PLAA: variants seen among roughly 807,000 people sequenced by gnomAD.
PLAA encodes the protein phospholipase A-2-activating protein.
PLAA carries 48 observed loss-of-function variants against 84.1 expected under a neutral mutation model. The observed-to-expected ratio is 0.57, with a 90% CI of 0.45 to 0.73. PLAA has a LOEUF of 0.73. Ranked by LOEUF, PLAA falls within the 30% of genes least tolerant of loss-of-function variation. The pLI is 0.00. For synonymous variants in PLAA, 392 were observed against 336.6 expected (o/e 1.16, Z -1.80); for missense variants, 903 against 954.7 (o/e 0.95, Z 0.71).
At chr9:26,908,207 G>C (rs1181943362) in intron 12 of PLAA, among the ~76,000 whole-genome samples, 1 of 143,310 alleles carries the variant, frequency 7.0e-6, no homozygotes, top group African/African-American at 2.6e-5. Context: ...CTGCTCAGTC[G>C]CCCAGGCTGG....
At chr9:26,930,448 C>G (rs1476661726) in intron 2 of PLAA, among the ~76,000 whole-genome samples, 3 of 152,140 alleles carry the variant, frequency 2.0e-5, no homozygotes, top group African/African-American at 7.2e-5. Flanking sequence ...GCTCCAACAA[C>G]TACTGAAGCA....
At chr9:26,927,470 G>C (rs1027353010) in intron 4 of PLAA, among the ~76,000 whole-genome samples, 2 of 151,778 alleles carry the variant, frequency 1.3e-5, no homozygotes, top group African/African-American at 4.8e-5. Flanking sequence ...TATTATCTAG[G>C]GTAGTTACCA....
chr9:26,947,138 A>G lies in PLAA; in HGVS notation c.-93T>C. 1 of 1,368,746 alleles carries G rather than the reference A, an allele frequency of 7.3e-7. No individual in the cohort carries two copies. The highest frequency in any genetic ancestry group is 9.5e-7 in the Non-Finnish European group (1 of 1,051,404). 84.8% of individuals were successfully genotyped at this position (1,368,746 alleles called of 1,614,324 possible). On this transcript the variant is annotated 5_prime_UTR_variant, in exon 1 of 14. Transcript: ENST00000397292. ...GAGCGCCGGGCCGCGGCGGGAGAAG[A>G]GCCTGCAGGTAAGGGGCGGCCGGAG...
chr9:26,924,471 T>C (rs571858594), intron 6 of PLAA, among the ~76,000 whole-genome samples: 3 of 152,166 alleles, frequency 2.0e-5, no homozygotes, highest in African/African-American at 4.8e-5. Flanking sequence ...CATTATAGAG[T>C]AGTCTATGAT....
chr9:26,910,909 G>C (rs1296821592), intron 11 of PLAA, among the ~76,000 whole-genome samples: 1 of 151,992 alleles, frequency 6.6e-6, no homozygotes, highest in Admixed American at 6.6e-5. Flanking sequence ...CTTCTCTAAG[G>C]CATGCTGATC....
intron 10 of PLAA, among the ~76,000 whole-genome samples, chr9:26,914,654 T>C (rs1256803234): frequency 5.9e-5 from 9 of 152,158 alleles, no homozygotes; most frequent in Non-Finnish European, 1.3e-4. Context: ...TTTAACCATA[T>C]GCCAGTTAAT....
intron 13 of PLAA, 135 bp downstream of exon 13, chr9:26,907,699 T>C (rs1207058909): frequency 1.4e-6 from 1 of 700,542 alleles, no homozygotes; most frequent in East Asian, 2.9e-5. Flanking sequence ...TGAACCCTTT[T>C]CGTGAAGATT....
rs1207331148 is a variant in PLAA, at chr9:26,928,315, G to A, written c.437C>T (p.Thr146Ile). The change falls in exon 3 of 14, where the codon ACC (threonine) becomes ATC (isoleucine). Residue 146 changes from threonine to isoleucine, a missense_variant. Coordinates refer to ENST00000397292, the MANE Select transcript of PLAA (RefSeq NM_001031689.3). Reference protein sequence around the residue: ...KVWLNDKCMMTLQGHTAAVWA... With the variant: ...KVWLNDKCMMILQGHTAAVWA... ...TACACAGAACTACTGTACCTGCAAG[G>A]TCATCATGCACTTGTCATTCAGCCA... 1 of 1,613,502 alleles carries A rather than the reference G, an allele frequency of 6.2e-7. No homozygotes were observed. The highest frequency in any genetic ancestry group is 1.1e-5 in the South Asian group (1 of 91,068).
intron 2 of PLAA, 79 bp downstream of exon 2, chr9:26,934,934 G>A: frequency 9.3e-7 from 1 of 1,077,140 alleles, no homozygotes; most frequent in African/African-American, 1.6e-5. Flanking sequence ...ATAAAAACTT[G>A]AGAAAATGGA....
chr9:26,913,558 C>T (rs1416429069), intron 11 of PLAA, among the ~76,000 whole-genome samples: 1 of 152,036 alleles, frequency 6.6e-6, no homozygotes. Flanking sequence ...CAGTAGTTTC[C>T]GATCCTAGAT....
chr9:26,907,356 C>T (rs1306912107), intron 13 of PLAA, among the ~76,000 whole-genome samples: 4 of 150,716 alleles, frequency 2.7e-5, no homozygotes, highest in Non-Finnish European at 1.5e-5. Context: ...GGTGAAACCC[C>T]GTCTCTACTA....
At chr9:26,936,939 G>C (rs1320141962) in intron 1 of PLAA, among the ~76,000 whole-genome samples, 1 of 152,058 alleles carries the variant, frequency 6.6e-6, no homozygotes, top group Non-Finnish European at 1.5e-5. Context: ...TCAGGAGTTG[G>C]AGACCAGCCT....
At chr9:26,908,465 CTTA>C (rs371180402) in intron 12 of PLAA, among the ~76,000 whole-genome samples, 1 of 146,620 alleles carries the variant, frequency 6.8e-6, no homozygotes, top group African/African-American at 2.5e-5. Context: ...CACGCCTGGC[CTTA>C]TTATTATTAT....
chr9:26,935,700 A>T (rs1825335870), intron 1 of PLAA, among the ~76,000 whole-genome samples: 1 of 152,130 alleles, frequency 6.6e-6, no homozygotes, highest in South Asian at 2.1e-4. Context: ...CAGGGGTGTC[A>T]AATCTTTTGC....
chr9:26,933,526 C>T (rs573797554), intron 2 of PLAA, among the ~76,000 whole-genome samples: 8 of 151,764 alleles, frequency 5.3e-5, no homozygotes, highest in South Asian at 2.1e-4. Context: ...CAGTGGCTCA[C>T]GCCTGTAATC....
chr9:26,946,790 G>T, intron 1 of PLAA, 107 bp downstream of exon 1: 2 of 1,279,768 alleles, frequency 1.6e-6, no homozygotes, highest in Non-Finnish European at 2.1e-6. Flanking sequence ...GCAGAGGGAA[G>T]GCTGGGGGGA....
Position 26,939,173 on chromosome 9 carries a change from G to A in PLAA, c.150-3967C>T, listed in dbSNP as rs1411899876. Among the ~76,000 whole-genome samples the A allele has an allele frequency of 2.0e-5, 3 of 152,248 alleles. No individual in the cohort carries two copies. In the East Asian group the frequency reaches 5.8e-4, roughly 29 times the overall value. ...GGAGGCTGAGGCCGGCGGATCACAA[G>A]GTCAGGAGATCGGGACTATCCTGGC... On this transcript the variant is annotated intron_variant, in intron 1 of 13. Coordinates refer to ENST00000397292, the MANE Select transcript of PLAA (RefSeq NM_001031689.3).
chr9:26,941,169 A>AAAAAAAAAAAAAAC (rs1563921251), intron 1 of PLAA, among the ~76,000 whole-genome samples: 1 of 144,778 alleles, frequency 6.9e-6, no homozygotes, highest in African/African-American at 2.6e-5. Flanking sequence ...AAAAAAAAAC[A>AAAAAAAAAAAAAAC]AAAACAAAAC....
intron 10 of PLAA, among the ~76,000 whole-genome samples, chr9:26,914,509 T>G (rs1051259585): frequency 1.3e-5 from 2 of 151,990 alleles, no homozygotes; most frequent in Admixed American, 6.6e-5. Context: ...CTCTCTCAAT[T>G]TATACTCTAG....
Sources: allele counts gnomAD v4.1 joint callset (sites outside exome capture counted in the v4.1 genomes callset), GRCh38; gene constraint gnomAD v4.1.1; transcripts MANE v1.5; gene names NCBI Gene and HGNC (gene_info 2026-07-23, HGNC 2026-07-21).